CPA6: variants seen among roughly 807,000 people sequenced by gnomAD.
CPA6 encodes carboxypeptidase A6, also known as carboxypeptidase B.
CPA6 carries 58 observed loss-of-function variants against 63.3 expected under a neutral mutation model. The ratio of observed to expected loss-of-function variants is 0.92; its 90% CI spans 0.74 to 1.14. CPA6 has a LOEUF of 1.14. Ranked by LOEUF, CPA6 falls within the 50% of genes most tolerant of loss-of-function variation. CPA6 has a pLI of 0.00. For synonymous variants in CPA6, 185 were observed against 179.0 expected (o/e 1.03, Z -0.27); for missense variants, 565 against 526.6 (o/e 1.07, Z -0.71).
At chr8:67,692,311 A>C (rs1816828955) in intron 1 of CPA6, among the ~76,000 whole-genome samples, 1 of 148,716 alleles carries the variant, frequency 6.7e-6, no homozygotes, top group African/African-American at 2.5e-5. Flanking sequence ...CTGGGCAACA[A>C]GAGTGAAATC....
At chr8:67,703,898 C>T (rs74585436) in intron 1 of CPA6, among the ~76,000 whole-genome samples, 2,093 of 152,166 alleles carry the variant, frequency 0.014, 39 homozygotes, top group African/African-American at 0.046. Flanking sequence ...AACTCTGTGG[C>T]CCTTTAAGGA....
At chr8:67,603,682 T>G (rs1398997635) in intron 2 of CPA6, among the ~76,000 whole-genome samples, 5 of 152,230 alleles carry the variant, frequency 3.3e-5, no homozygotes, top group African/African-American at 1.2e-4. Flanking sequence ...TTTCGTAAGA[T>G]AGTCTGAAAA....
At chr8:67,669,957 G>A (rs1414279205) in intron 1 of CPA6, among the ~76,000 whole-genome samples, 1 of 152,148 alleles carries the variant, frequency 6.6e-6, no homozygotes, top group Non-Finnish European at 1.5e-5. Flanking sequence ...CAGTTAGAAT[G>A]TAATTACATT....
intron 8 of CPA6, among the ~76,000 whole-genome samples, chr8:67,436,622 G>C (rs1810162253): frequency 6.6e-6 from 1 of 151,970 alleles, no homozygotes; most frequent in South Asian, 2.1e-4. Flanking sequence ...CTTGGGGATT[G>C]GTTAGAGTTT....
chr8:67,720,376 A>C (rs1448481362), intron 1 of CPA6, among the ~76,000 whole-genome samples: 3 of 152,206 alleles, frequency 2.0e-5, no homozygotes, highest in African/African-American at 7.2e-5. Flanking sequence ...TGCAAGTCAC[A>C]GGGGATGCGA....
chr8:67,658,473 A>G (rs1816039677), intron 1 of CPA6, among the ~76,000 whole-genome samples: 1 of 152,052 alleles, frequency 6.6e-6, no homozygotes. Flanking sequence ...CCCACCTCTA[A>G]ACATCATTTC....
chr8:67,445,428 C>T (rs1393359622), intron 8 of CPA6, among the ~76,000 whole-genome samples: 1 of 151,992 alleles, frequency 6.6e-6, no homozygotes, highest in Non-Finnish European at 1.5e-5. Context: ...ATTCCTCATC[C>T]CATCAGTAAG....
At chr8:67,509,349 T>C (rs778762277) in intron 5 of CPA6, among the ~76,000 whole-genome samples, 168 bp downstream of exon 5, 1 of 152,142 alleles carries the variant, frequency 6.6e-6, no homozygotes, top group Non-Finnish European at 1.5e-5. Context: ...ATGGCAAAAA[T>C]GAAATATGGT....
At chr8:67,584,753 C>T (rs1448238332) in intron 2 of CPA6, among the ~76,000 whole-genome samples, 1 of 152,120 alleles carries the variant, frequency 6.6e-6, no homozygotes, top group Non-Finnish European at 1.5e-5. Flanking sequence ...TTTCCTGCTG[C>T]TGCCAAGAGA....
At chr8:67,593,191 G>A (rs1165837550) in intron 2 of CPA6, among the ~76,000 whole-genome samples, 72 of 150,208 alleles carry the variant, frequency 4.8e-4, no homozygotes, top group African/African-American at 7.6e-4. Flanking sequence ...GTAGTTGAGC[G>A]GTTTTGAGTG....
chr8:67,648,506 C>G (rs1161075677), intron 1 of CPA6, among the ~76,000 whole-genome samples: 1 of 152,038 alleles, frequency 6.6e-6, no homozygotes, highest in Non-Finnish European at 1.5e-5. Context: ...GTCTGGAACC[C>G]TCATTGCAAA....
At chr8:67,578,180 T>C (rs1191267008) in intron 2 of CPA6, among the ~76,000 whole-genome samples, 1 of 152,212 alleles carries the variant, frequency 6.6e-6, no homozygotes, top group African/African-American at 2.4e-5. Flanking sequence ...TGTTCTAAAA[T>C]ATGCAGAGAA....
intron 8 of CPA6, among the ~76,000 whole-genome samples, chr8:67,475,945 TC>T (rs1378634631): frequency 8.5e-5 from 12 of 141,934 alleles, no homozygotes; most frequent in African/African-American, 3.3e-4. Context: ...TCTTTCTTTC[TC>T]TGTCTTTCTT....
At chr8:67,484,132 C>T (rs1003975320) in intron 7 of CPA6, among the ~76,000 whole-genome samples, 1 of 151,930 alleles carries the variant, frequency 6.6e-6, no homozygotes, top group Non-Finnish European at 1.5e-5. Context: ...TGCAGTGGCA[C>T]GATCTCGGCT....
chr8:67,462,179 A>G (rs1471324121), intron 8 of CPA6, among the ~76,000 whole-genome samples: 1 of 151,898 alleles, frequency 6.6e-6, no homozygotes, highest in Non-Finnish European at 1.5e-5. Flanking sequence ...ATCCAGGGAT[A>G]TTCTGTGTTT....
intron 1 of CPA6, among the ~76,000 whole-genome samples, chr8:67,658,767 G>T (rs964533514): frequency 2.0e-5 from 3 of 152,116 alleles, no homozygotes; most frequent in Admixed American, 2.0e-4. Flanking sequence ...AAGCCAGAAA[G>T]TGAGGTCCTG....
chr8:67,632,897 A>G (rs181304216), intron 1 of CPA6, among the ~76,000 whole-genome samples: 76 of 152,322 alleles, frequency 5.0e-4, no homozygotes, highest in Non-Finnish European at 8.4e-4. Flanking sequence ...TGAAAAGAAT[A>G]TCTTTCGTAT....
chr8:67,498,535 CAAA>C (rs397940852), intron 6 of CPA6, among the ~76,000 whole-genome samples: 4 of 33,184 alleles, frequency 1.2e-4, no homozygotes, highest in African/African-American at 2.3e-4. Context: ...GACTCCATCT[CAAA>C]AAAAAAAAAA....
chr8:67,728,609 A>C (rs748622613), intron 1 of CPA6, among the ~76,000 whole-genome samples: 9 of 152,222 alleles, frequency 5.9e-5, no homozygotes, highest in Non-Finnish European at 1.2e-4. Flanking sequence ...TAATCCCCTT[A>C]GGAAAGCTTT....
Sources: allele counts gnomAD v4.1 joint callset (sites outside exome capture counted in the v4.1 genomes callset), GRCh38; gene constraint gnomAD v4.1.1; transcripts MANE v1.5; gene names NCBI Gene and HGNC (gene_info 2026-07-23, HGNC 2026-07-21).